GALNT13: variants seen among roughly 807,000 people sequenced by gnomAD.
The protein encoded by GALNT13 is polypeptide N-acetylgalactosaminyltransferase 13.
A neutral mutation model predicts 64.2 loss-of-function variants in GALNT13; 28 were observed. The observed-to-expected ratio is 0.44, with a 90% CI of 0.32 to 0.60. The LOEUF is 0.60. Among genes scored for constraint, GALNT13 ranks in the 20% least tolerant of loss-of-function variants. The probability of loss-of-function intolerance (pLI) is 0.05; values close to 1 mark genes in which losing one functional copy is unlikely to be tolerated. For missense variants in GALNT13, 577 were observed against 669.8 expected, an observed-to-expected ratio of 0.86 and a Z score of 1.53; for synonymous variants, 214 against 224.6, an observed-to-expected ratio of 0.95 and a Z score of 0.42.
the GALNT13 span, among the ~76,000 whole-genome samples, chr2:153,253,187 C>G: frequency 3.9e-4 from 59 of 149,982 alleles, no homozygotes; most frequent in African/African-American, 1.4e-3. Flanking sequence ...CCTTCACATC[C>G]CTTGTAAGTT....
At chr2:154,298,681 C>CAATTTATATATAAATTGTATATAT (rs1693184406) in intron 8 of GALNT13, among the ~76,000 whole-genome samples, 7 of 5,312 alleles carry the variant, frequency 1.3e-3, no homozygotes, top group East Asian at 8.9e-3. Context: ...ATTGTATATA[C>CAATTTATATATAAATTGTATATAT]AATTTATATA....
chr2:153,826,185 A>T, the GALNT13 span, among the ~76,000 whole-genome samples: 1 of 152,184 alleles, frequency 6.6e-6, no homozygotes. Flanking sequence ...CTCCTTGCAG[A>T]GTTCCAAGGT....
chr2:153,108,612 G>A, the GALNT13 span, among the ~76,000 whole-genome samples: 1 of 152,098 alleles, frequency 6.6e-6, no homozygotes, highest in Admixed American at 6.6e-5. Context: ...CCAACTCTGC[G>A]AGGTGGGCAG....
chr2:154,372,634 T>C (rs1697763338), intron 9 of GALNT13, among the ~76,000 whole-genome samples: 1 of 152,034 alleles, frequency 6.6e-6, no homozygotes, highest in South Asian at 2.1e-4. Context: ...TCTTAGGAAG[T>C]GAGGTAAAAT....
At chr2:153,621,136 C>T in the GALNT13 span, among the ~76,000 whole-genome samples, 2 of 152,096 alleles carry the variant, frequency 1.3e-5, no homozygotes, top group East Asian at 3.9e-4. Flanking sequence ...CTCTCTCTCT[C>T]CCTCTGTCTT....
chr2:153,212,057 T>C, the GALNT13 span, among the ~76,000 whole-genome samples: 1 of 152,208 alleles, frequency 6.6e-6, no homozygotes, highest in Non-Finnish European at 1.5e-5. Flanking sequence ...CAAAATGAGA[T>C]TCAGAACTCA....
chr2:154,423,797 A>T (rs564873842), intron 11 of GALNT13, among the ~76,000 whole-genome samples: 194 of 152,248 alleles, frequency 1.3e-3, no homozygotes, highest in African/African-American at 4.6e-3. Flanking sequence ...TCTTCCAAAG[A>T]TTACAATGTG....
At chr2:154,195,370 A>G (rs923692311) in intron 4 of GALNT13, among the ~76,000 whole-genome samples, 15 of 152,108 alleles carry the variant, frequency 9.9e-5, no homozygotes, top group African/African-American at 3.6e-4. Context: ...GTACCGTGGG[A>G]GAAATGCAGC....
At chr2:154,301,347 T>G (rs1693430347) in intron 8 of GALNT13, 62 bp from the exon 9 acceptor site, 1 of 1,370,134 alleles carries the variant, frequency 7.3e-7, no homozygotes, top group African/African-American at 1.4e-5. Flanking sequence ...TGGCCTAAGC[T>G]TCAGTTGCTT....
chr2:154,418,030 A>G (rs1390025887), intron 11 of GALNT13, among the ~76,000 whole-genome samples: 1 of 152,086 alleles, frequency 6.6e-6, no homozygotes, highest in African/African-American at 2.4e-5. Flanking sequence ...TCATTATCCT[A>G]TCTGCAAAAA....
At chr2:153,597,441 A>T in the GALNT13 span, among the ~76,000 whole-genome samples, 2 of 152,098 alleles carry the variant, frequency 1.3e-5, no homozygotes, top group African/African-American at 4.8e-5. Flanking sequence ...ATGCAAAAAA[A>T]ATAAAGTTAG....
chr2:153,786,608 T>C, the GALNT13 span, among the ~76,000 whole-genome samples: 12,745 of 151,864 alleles, frequency 0.084, 1,166 homozygotes, highest in African/African-American at 0.22. Flanking sequence ...CAGTCTCTCC[T>C]CCTGGTGAGC....
the GALNT13 span, chr2:153,593,267 G>C: frequency 6.6e-6 from 1 of 152,342 alleles, no homozygotes; most frequent in Non-Finnish European, 1.5e-5. Flanking sequence ...CCTTCGGTTT[G>C]CGGTTTGCGT....
At chr2:153,610,441 A>T in the GALNT13 span, among the ~76,000 whole-genome samples, 1 of 152,080 alleles carries the variant, frequency 6.6e-6, no homozygotes, top group Non-Finnish European at 1.5e-5. Context: ...TTGGGAGGCC[A>T]AGGTGGGCGG....
At chr2:153,479,392 G>A in the GALNT13 span, among the ~76,000 whole-genome samples, 1 of 150,098 alleles carries the variant, frequency 6.7e-6, no homozygotes, top group East Asian at 2.0e-4. Context: ...GAGGGAGAAA[G>A]AAGAGCTCTA....
chr2:153,908,174 T>G (rs1688708742), intron 2 of GALNT13, among the ~76,000 whole-genome samples: 1 of 152,116 alleles, frequency 6.6e-6, no homozygotes, highest in Non-Finnish European at 1.5e-5. Context: ...GTGAGCTTTT[T>G]CATGTGATTG....
the GALNT13 span, among the ~76,000 whole-genome samples, chr2:153,162,551 C>A: frequency 6.6e-6 from 1 of 152,130 alleles, no homozygotes; most frequent in African/African-American, 2.4e-5. Flanking sequence ...AAGTCAGCCC[C>A]CCTGGGAAGA....
chr2:153,770,172 C>A, the GALNT13 span, among the ~76,000 whole-genome samples: 1 of 123,012 alleles, frequency 8.1e-6, no homozygotes, highest in East Asian at 2.6e-4. Flanking sequence ...ACCCCCCCGC[C>A]CCCCCACACC....
intron 4 of GALNT13, among the ~76,000 whole-genome samples, chr2:154,164,368 A>T (rs1345541111): frequency 6.6e-6 from 1 of 152,122 alleles, no homozygotes; most frequent in African/African-American, 2.4e-5. Flanking sequence ...ATTTCTGTGT[A>T]ACATTAATTA....
Sources: gnomAD v4.1 joint callset for allele counts (sites outside exome capture counted in the v4.1 genomes callset) on GRCh38, gnomAD v4.1.1 for gene constraint, MANE v1.5 for transcripts, NCBI Gene and HGNC (gene_info 2026-07-23, HGNC 2026-07-21) for gene names.